MAST4: variants seen among roughly 807,000 people sequenced by gnomAD.
MAST4 encodes the protein microtubule-associated serine/threonine-protein kinase 4.
In MAST4, 89 loss-of-function variants were observed where a neutral mutation model predicts 162.7. The ratio of observed to expected loss-of-function variants is 0.55; its 90% CI spans 0.46 to 0.65. The LOEUF (loss-of-function observed/expected upper bound fraction) is 0.65, where lower values mean the gene tolerates loss of function less well. Ranked by LOEUF, MAST4 falls within the 30% of genes least tolerant of loss-of-function variation. The pLI, the probability that MAST4 is intolerant of heterozygous loss-of-function variation, is 0.00. For missense variants in MAST4, 3,153 were observed against 3,374.0 expected (o/e 0.93, Z 1.62); for synonymous variants, 1,479 against 1,361.1 (o/e 1.09, Z -1.91).
At chr5:66,797,244 G>T (rs27511) in intron 3 of MAST4, among the ~76,000 whole-genome samples, 23,464 of 152,134 alleles carry the variant, frequency 0.15, 2,111 homozygotes, top group East Asian at 0.44. Flanking sequence ...TTTGTTGGGG[G>T]AAAGATTTTG....
intron 3 of MAST4, among the ~76,000 whole-genome samples, chr5:66,845,943 T>A (rs1048526200): frequency 2.0e-5 from 3 of 152,146 alleles, no homozygotes; most frequent in African/African-American, 7.2e-5. Flanking sequence ...ATTATAAACA[T>A]AACATTTATT....
At chr5:67,142,601 C>T (rs1486837275) in intron 21 of MAST4, 68 bp downstream of exon 21, 1 of 1,048,982 alleles carries the variant, frequency 9.5e-7, no homozygotes, top group Admixed American at 2.1e-5. Flanking sequence ...AGATAGTATC[C>T]CCGAACAGCT....
intron 4 of MAST4, among the ~76,000 whole-genome samples, chr5:66,973,201 T>C (rs1747674819): frequency 6.6e-6 from 1 of 152,126 alleles, no homozygotes; most frequent in African/African-American, 2.4e-5. Flanking sequence ...CCTATATAAC[T>C]ATATTATTAT....
intron 2 of MAST4, among the ~76,000 whole-genome samples, chr5:66,768,236 G>A (rs993198835): frequency 1.3e-5 from 2 of 152,224 alleles, no homozygotes; most frequent in Non-Finnish European, 2.9e-5. Context: ...GGAGTCAGGA[G>A]AACTTGTTTG....
At chr5:66,707,451 A>G (rs979526107) in intron 1 of MAST4, among the ~76,000 whole-genome samples, 1 of 152,218 alleles carries the variant, frequency 6.6e-6, no homozygotes, top group Non-Finnish European at 1.5e-5. Context: ...CCTTAAAAAC[A>G]GAAATGAATT....
At chr5:66,932,047 G>T (rs528223234) in intron 4 of MAST4, among the ~76,000 whole-genome samples, 1 of 152,144 alleles carries the variant, frequency 6.6e-6, no homozygotes, top group East Asian at 1.9e-4. Flanking sequence ...TTCAGTGAAC[G>T]ATCCCTTCTG....
At chr5:66,896,116 C>T (rs1219630222) in intron 3 of MAST4, among the ~76,000 whole-genome samples, 1 of 152,136 alleles carries the variant, frequency 6.6e-6, no homozygotes, top group Non-Finnish European at 1.5e-5. Context: ...TTTAGCCACC[C>T]TTAGTCTTCT....
At chr5:66,990,132 CTTTTA>C (rs1749909899) in intron 4 of MAST4, among the ~76,000 whole-genome samples, 1 of 152,076 alleles carries the variant, frequency 6.6e-6, no homozygotes, top group Admixed American at 6.5e-5. Flanking sequence ...TGCTTGTTTT[CTTTTA>C]AAGACCTCTT....
intron 1 of MAST4, among the ~76,000 whole-genome samples, chr5:66,746,957 A>ATTTT (rs374549454): frequency 3.4e-5 from 5 of 148,514 alleles, no homozygotes; most frequent in Admixed American, 3.4e-4. Context: ...TACTAGCTTT[A>ATTTT]TTTTTTTTTT....
At chr5:66,786,728 T>C (rs1327415102) in intron 2 of MAST4, among the ~76,000 whole-genome samples, 3 of 152,076 alleles carry the variant, frequency 2.0e-5, no homozygotes, top group Non-Finnish European at 4.4e-5. Flanking sequence ...CATTTCAAAA[T>C]AAGGAAAGGA....
At chr5:66,601,828 G>A (rs1260742111) in intron 1 of MAST4, among the ~76,000 whole-genome samples, 5 of 152,146 alleles carry the variant, frequency 3.3e-5, no homozygotes, top group Admixed American at 3.3e-4. Context: ...GATCAGATTT[G>A]TATTTTGGGA....
At chr5:67,067,441 A>G (rs1206507548) in intron 5 of MAST4, among the ~76,000 whole-genome samples, 1 of 152,236 alleles carries the variant, frequency 6.6e-6, no homozygotes, top group African/African-American at 2.4e-5. Context: ...TCAAGTTTTA[A>G]GAAACTACCA....
intron 3 of MAST4, among the ~76,000 whole-genome samples, chr5:66,857,021 TAAAAC>T (rs1759737413): frequency 6.6e-6 from 1 of 152,204 alleles, no homozygotes; most frequent in Non-Finnish European, 1.5e-5. Flanking sequence ...GAAGAAAACT[TAAAAC>T]ATAAAGGAAA....
intron 2 of MAST4, among the ~76,000 whole-genome samples, chr5:66,786,843 T>A (rs952700823): frequency 6.6e-6 from 1 of 152,250 alleles, no homozygotes; most frequent in African/African-American, 2.4e-5. Flanking sequence ...TGTCATTGAA[T>A]TTTCAATGAT....
chr5:66,820,982 C>T (rs995867337), intron 3 of MAST4, among the ~76,000 whole-genome samples: 60 of 152,144 alleles, frequency 3.9e-4, no homozygotes, highest in Non-Finnish European at 5.3e-4. Context: ...AATCACCAAT[C>T]GCATACATTT....
chr5:67,051,166 C>A (rs1181231542), intron 4 of MAST4, among the ~76,000 whole-genome samples: 1 of 148,194 alleles, frequency 6.7e-6, no homozygotes, highest in Non-Finnish European at 1.5e-5. Context: ...ACCTGTTTTT[C>A]CCTTGGGTGA....
intron 4 of MAST4, among the ~76,000 whole-genome samples, chr5:66,953,153 T>A (rs935551115): frequency 1.7e-4 from 26 of 152,230 alleles, no homozygotes; most frequent in African/African-American, 6.3e-4. Flanking sequence ...TTGAAAGTTT[T>A]CCTCAACCAT....
intron 3 of MAST4, among the ~76,000 whole-genome samples, chr5:66,830,456 A>T (rs1400244832): frequency 6.6e-6 from 1 of 152,218 alleles, no homozygotes; most frequent in Non-Finnish European, 1.5e-5. Context: ...AAACAAAGGA[A>T]TACTTGCTAA....
chr5:66,626,128 T>C (rs2149414417), intron 1 of MAST4, among the ~76,000 whole-genome samples: 1 of 124,286 alleles, frequency 8.0e-6, no homozygotes, highest in East Asian at 2.4e-4. Flanking sequence ...TATGGGATGA[T>C]ATTAGTCAAA....
Sources: allele counts gnomAD v4.1 joint callset (sites outside exome capture counted in the v4.1 genomes callset), GRCh38; gene constraint gnomAD v4.1.1; transcripts MANE v1.5; gene names NCBI Gene and HGNC (gene_info 2026-07-23, HGNC 2026-07-21).